Variants in DNAH11 observed in about 807,000 individuals in gnomAD.
DNAH11 encodes the protein dynein axonemal heavy chain 11.
In DNAH11, 442 loss-of-function variants were observed where a neutral mutation model predicts 526.0. The observed-to-expected ratio is 0.84, with a 90% CI of 0.78 to 0.91. The LOEUF is 0.91. Ranked by LOEUF, DNAH11 falls within the 40% of genes least tolerant of loss-of-function variation. The pLI is 0.00. For synonymous variants in DNAH11, 2,461 were observed against 1,935.9 expected (o/e 1.27, Z -7.12); for missense variants, 6,989 against 5,448.7 (o/e 1.28, Z -8.90).
At chr7:21,547,377 C>G (rs565210831) in intron 2 of DNAH11, among the ~76,000 whole-genome samples, 1 of 152,270 alleles carries the variant, frequency 6.6e-6, no homozygotes, top group South Asian at 2.1e-4. Context: ...CGCAGTACAG[C>G]AGAAGCAAGA....
chr7:21,810,633 T>C (rs1324391752), intron 63 of DNAH11, among the ~76,000 whole-genome samples: 1 of 152,068 alleles, frequency 6.6e-6, no homozygotes, highest in Non-Finnish European at 1.5e-5. Flanking sequence ...CCAAGACGTA[T>C]TTGGACAAGA....
At chr7:21,570,016 G>A in intron 6 of DNAH11, 53 bp from the exon 7 acceptor site, 1 of 1,383,202 alleles carries the variant, frequency 7.2e-7, no homozygotes, top group Non-Finnish European at 9.8e-7. Context: ...ACGGTTACAG[G>A]GAAAAACTGT....
intron 42 of DNAH11, among the ~76,000 whole-genome samples, chr7:21,716,711 G>A (rs777163746): frequency 2.0e-5 from 3 of 152,060 alleles, no homozygotes; most frequent in East Asian, 1.9e-4. Context: ...ATTGTTCCGC[G>A]GTTCCCACTG....
At chr7:21,879,510 C>T (rs1783835151) in intron 74 of DNAH11, among the ~76,000 whole-genome samples, 1 of 151,888 alleles carries the variant, frequency 6.6e-6, no homozygotes, top group African/African-American at 2.4e-5. Context: ...TCCCAATTTT[C>T]CATATATCAC....
chr7:21,875,855 G>C (rs1783685708), intron 74 of DNAH11, among the ~76,000 whole-genome samples: 1 of 148,906 alleles, frequency 6.7e-6, no homozygotes, highest in Non-Finnish European at 1.5e-5. Flanking sequence ...AGGGCTTTTA[G>C]GAACTTCAAG....
chr7:21,554,568 G>T (rs1377380733), intron 2 of DNAH11, among the ~76,000 whole-genome samples: 1 of 152,134 alleles, frequency 6.6e-6, no homozygotes, highest in African/African-American at 2.4e-5. Flanking sequence ...ACCTCTCCCA[G>T]ATGGTTATGG....
At chr7:21,806,872 C>G (rs1192719289) in intron 62 of DNAH11, among the ~76,000 whole-genome samples, 1 of 152,128 alleles carries the variant, frequency 6.6e-6, no homozygotes. Context: ...ATCCAACTAG[C>G]TATAAGGACT....
At chr7:21,855,965 A>G (rs1465778039) in intron 68 of DNAH11, among the ~76,000 whole-genome samples, 1 of 152,158 alleles carries the variant, frequency 6.6e-6, no homozygotes, top group Non-Finnish European at 1.5e-5. Context: ...TCCCAGAGGA[A>G]GTAACGTTTA....
intron 65 of DNAH11, among the ~76,000 whole-genome samples, chr7:21,829,560 C>T (rs1475885173): frequency 1.3e-5 from 2 of 152,158 alleles, no homozygotes; most frequent in African/African-American, 2.4e-5. Context: ...ATGTTGCTTT[C>T]CATGTTTGGT....
Position 21,901,215 on chromosome 7 carries a change from A to C in DNAH11, c.13512A>C (p.Lys4504Asn). The part of the protein sequence containing the change: ...FRLKSEEKTA[K>N]WVLAGVALLL... ...TGAAGAGCGAAGAGAAGACTGCAAA[A>C]TGGGTTCTGGCTGGAGTGGCTCTGC... The change falls in exon 82 of 82, where the codon AAA (lysine) becomes AAC (asparagine). Residue 4504 changes from lysine (K) to asparagine (N), a missense_variant. Physicochemically the swap from Lys to Asn is moderately conservative, Grantham distance 94. Transcript: ENST00000409508. 2 of 1,613,782 alleles carry C rather than the reference A, an allele frequency of 1.2e-6. No homozygotes were observed. The highest frequency in any genetic ancestry group is 1.7e-6 in the Non-Finnish European group (2 of 1,179,740).
chr7:21,820,557 C>G (rs922012534), intron 65 of DNAH11, among the ~76,000 whole-genome samples: 3 of 152,150 alleles, frequency 2.0e-5, no homozygotes, highest in Non-Finnish European at 4.4e-5. Context: ...CTTTGGGGAA[C>G]TGCAAATAGA....
At chr7:21,890,702 A>C (rs567591689) in intron 76 of DNAH11, among the ~76,000 whole-genome samples, 22 of 152,276 alleles carry the variant, frequency 1.4e-4, no homozygotes, top group African/African-American at 5.1e-4. Context: ...ACTCTCCTGT[A>C]CCATTTTATT....
chr7:21,738,620 G>C (rs1785725268), intron 46 of DNAH11, 81 bp from the exon 47 acceptor site: 8 of 1,389,002 alleles, frequency 5.8e-6, no homozygotes, highest in African/African-American at 4.4e-5. Context: ...ATCGACAGAA[G>C]AAGTTAAGAA....
Position 21,571,836 on chromosome 7 carries a change from A to G in DNAH11, c.1456A>G (p.Lys486Glu), listed in dbSNP as rs1399550737. The G allele has an allele frequency of 6.2e-7, 1 of 1,612,944 alleles. No homozygotes were observed. Among genetic ancestry groups the G allele is most frequent in the Admixed American group, 1.7e-5 (1 of 59,888 alleles). The change falls in exon 8 of 82, where the codon AAG becomes GAG. Residue 486 changes from lysine (K) to glutamate (E), a missense_variant. By Grantham distance (56) the Lys-to-Glu change is moderately conservative. Transcript: ENST00000409508. ...DIFATTLEFE[K>E]LERLEFGGTK... ...ATTTGCCACCACTTTGGAATTTGAA[A>G]AGCTGGAAAGACTGGAATTTGGTGG...
rs1402336413 is a variant in DNAH11 at position 21,842,748 on chromosome 7, G to C, written c.10896G>C (p.Lys3632Asn). The change falls in exon 66 of 82, where the codon AAG becomes AAC. Residue 3632 changes from lysine (K) to asparagine (N), a missense_variant and splice_region_variant. Lys to Asn is a moderately conservative substitution (Grantham distance 94). Transcript: ENST00000409508. ...SIERPDLEKL[K>N]LVLTKHQNDF... ...AAAGGCCAGATTTGGAGAAACTTAA[G>C]GTAAAAATGTTTACGTCACCACCAA... The C allele has an allele frequency of 6.2e-7, 1 of 1,604,292 alleles. No homozygotes were observed. The highest frequency in any genetic ancestry group is 8.5e-7 in the Non-Finnish European group (1 of 1,175,188).
At chr7:21,741,851 T>TG (rs1159938042) in intron 48 of DNAH11, 76 bp from the exon 49 acceptor site, 3 of 1,516,100 alleles carry the variant, frequency 2.0e-6, no homozygotes, top group Non-Finnish European at 2.7e-6. Flanking sequence ...CAGGGAGGAG[T>TG]GAAAAAAAAT....
At chr7:21,609,780 G>A (rs895948367) in intron 20 of DNAH11, among the ~76,000 whole-genome samples, 2 of 150,678 alleles carry the variant, frequency 1.3e-5, no homozygotes, top group African/African-American at 4.8e-5. Flanking sequence ...CTGTGCTGCT[G>A]TAGTGAAAAT....
At chr7:21,796,198 T>C (rs889777843) in intron 61 of DNAH11, among the ~76,000 whole-genome samples, 2 of 152,222 alleles carry the variant, frequency 1.3e-5, no homozygotes, top group Non-Finnish European at 2.9e-5. Flanking sequence ...AGTAGTTGTA[T>C]TTTCTTTTAA....
chr7:21,639,486 G>C (rs1787023355), intron 28 of DNAH11, among the ~76,000 whole-genome samples: 1 of 152,076 alleles, frequency 6.6e-6, no homozygotes, highest in South Asian at 2.1e-4. Context: ...ATGACATTGG[G>C]CTTATCTTCA....
Sources: allele counts gnomAD v4.1 joint callset (sites outside exome capture counted in the v4.1 genomes callset), GRCh38; gene constraint gnomAD v4.1.1; transcripts MANE v1.5; gene names NCBI Gene and HGNC (gene_info 2026-07-23, HGNC 2026-07-21).